Variants in AKIRIN1 observed in about 807,000 individuals in gnomAD.
AKIRIN1 encodes akirin-1.
In AKIRIN1, 4 loss-of-function variants were observed where a neutral mutation model predicts 25.9. The observed-to-expected ratio is 0.15, with a 90% confidence interval of 0.08 to 0.35. AKIRIN1 has a LOEUF of 0.35. Ranked by LOEUF, AKIRIN1 falls within the 10% of genes least tolerant of loss-of-function variation. The probability of loss-of-function intolerance (pLI) is 1.00; values close to 1 mark genes in which losing one functional copy is unlikely to be tolerated. For synonymous variants in AKIRIN1, 125 were observed against 105.1 expected (o/e 1.19, Z -1.16); for missense variants, 243 against 266.1 (o/e 0.91, Z 0.61).
rs1424799047 is a variant in AKIRIN1, at chr1:39,002,862, T to G, written c.497-485T>G. ...CTACCTTCTTCCTTTCTACTCAGTTTCCCCTTAAAAGGTGGTACTTCTGTG... is the reference window on the plus strand; with the variant it reads ...CTACCTTCTTCCTTTCTACTCAGTTGCCCCTTAAAAGGTGGTACTTCTGTG... On this transcript the variant is annotated intron_variant, in intron 3 of 4. Transcript: ENST00000432648. 7.2e-5 allele frequency among the ~76,000 whole-genome samples: 11 copies of G among 152,224 alleles called. 1 individual carries two copies. Among genetic ancestry groups the G allele is most frequent in the Admixed American group, 3.9e-4 (6 of 15,260 alleles).
At chr1:38,993,204 C>G (rs1643922248) in intron 1 of AKIRIN1, among the ~76,000 whole-genome samples, 1 of 152,172 alleles carries the variant, frequency 6.6e-6, no homozygotes. Context: ...TTCAATACTA[C>G]TATCCTCTAG....
intron 1 of AKIRIN1, among the ~76,000 whole-genome samples, chr1:38,994,395 G>A (rs904908609): frequency 3.3e-5 from 5 of 152,214 alleles, no homozygotes; most frequent in Admixed American, 2.6e-4. Context: ...CATGGAAGAA[G>A]GGGGTTGCTG....
chr1:39,002,779 C>A (rs1414924826), intron 3 of AKIRIN1, among the ~76,000 whole-genome samples: 2 of 152,026 alleles, frequency 1.3e-5, no homozygotes, highest in African/African-American at 2.4e-5. Flanking sequence ...CCCACTCCCA[C>A]CATAATACTG....
intron 4 of AKIRIN1, 108 bp downstream of exon 4, chr1:39,003,526 C>T (rs1644010566): frequency 1.0e-6 from 1 of 978,096 alleles, no homozygotes; most frequent in Admixed American, 2.1e-5. Context: ...AAAATGTGCC[C>T]AGCACTATGC....
rs912623352 is a variant in AKIRIN1, at chr1:39,004,562, G to C, written c.*507G>C. 1.3e-5 allele frequency: 3 copies of C among 222,678 alleles called. No homozygotes were observed. The highest frequency in any genetic ancestry group is 5.4e-5 in the Admixed American group (1 of 18,434). 13.8% of individuals were successfully genotyped at this position (222,678 alleles called of 1,614,324 possible). ...TTAATGTTTTGTGACCATACAAGTT[G>C]TAACAGTGGATTGTTTTTATGTGTA... On this transcript the variant is annotated 3_prime_UTR_variant, in exon 5 of 5. Transcript: ENST00000432648.
chr1:38,996,536 A>AT (rs34122150), intron 1 of AKIRIN1, among the ~76,000 whole-genome samples: 52,589 of 144,700 alleles, frequency 0.36, 9,683 homozygotes, highest in Non-Finnish European at 0.4. Context: ...TTGTTTTTCT[A>AT]TTTTTTTTTT....
chr1:39,000,161 G>A (rs1020259206), intron 2 of AKIRIN1, among the ~76,000 whole-genome samples: 2 of 151,910 alleles, frequency 1.3e-5, no homozygotes, highest in Non-Finnish European at 2.9e-5. Context: ...GGGATTACAG[G>A]CGAGAGCCAC....
At chr1:38,994,240 T>C (rs1643930390) in intron 1 of AKIRIN1, among the ~76,000 whole-genome samples, 1 of 152,190 alleles carries the variant, frequency 6.6e-6, no homozygotes, top group Non-Finnish European at 1.5e-5. Context: ...GTAAGTATAA[T>C]GCAACTATTC....
Position 39,001,054 on chromosome 1 carries a change from T to C in AKIRIN1, c.444T>C (p.Tyr148=), listed in dbSNP as rs138016362. 2.4e-3 allele frequency: 3,805 copies of C among 1,614,002 alleles called. 13 individuals are homozygous for C. Among genetic ancestry groups the C allele is most frequent in the Admixed American group, 5.9e-3 (353 of 59,992 alleles). ...TATGTGAGCGCCTCTTAAAAGACTA[T>C]GAAGATAAAATTCGGGAGGAGTATG... is the stretch of plus-strand genomic sequence containing the variant. ...GIICERLLKD[Y]EDKIREEYEQ... The change falls in exon 3 of 5, where the codon TAT becomes TAC. Residue 148 remains tyrosine, a synonymous_variant. Coordinates refer to ENST00000432648, the MANE Select transcript of AKIRIN1 (RefSeq NM_024595.3).
At chr1:38,996,234 A>G (rs1200020137) in intron 1 of AKIRIN1, among the ~76,000 whole-genome samples, 1 of 151,884 alleles carries the variant, frequency 6.6e-6, no homozygotes, top group African/African-American at 2.4e-5. Context: ...AGCTGGGATT[A>G]CAGGTGCGCA....
At chr1:39,002,814 C>A (rs573160386) in intron 3 of AKIRIN1, among the ~76,000 whole-genome samples, 8 of 152,266 alleles carry the variant, frequency 5.3e-5, no homozygotes, top group Admixed American at 6.5e-5. Context: ...TTCTGAGTCA[C>A]TTCTTTGTTC....
chr1:38,999,100 G>A (rs1453412973), intron 2 of AKIRIN1, among the ~76,000 whole-genome samples: 1 of 152,164 alleles, frequency 6.6e-6, no homozygotes, highest in African/African-American at 2.4e-5. Context: ...TGGTCATGTA[G>A]TGACTCAGTT....
At chr1:38,998,398 G>A in intron 2 of AKIRIN1, 87 bp downstream of exon 2, 1 of 1,373,850 alleles carries the variant, frequency 7.3e-7, no homozygotes, top group Non-Finnish European at 9.8e-7. Flanking sequence ...CTCCTCTAAT[G>A]TAATAGAATT....
At chr1:39,000,212 G>A (rs534959161) in intron 2 of AKIRIN1, among the ~76,000 whole-genome samples, 1 of 152,146 alleles carries the variant, frequency 6.6e-6, no homozygotes, top group South Asian at 2.1e-4. Flanking sequence ...TGATCAGAAA[G>A]CCACTTGTGG....
chr1:38,999,638 T>C (rs1385942514), intron 2 of AKIRIN1, among the ~76,000 whole-genome samples: 2 of 152,034 alleles, frequency 1.3e-5, no homozygotes, highest in Admixed American at 6.5e-5. Context: ...TAATGGGATA[T>C]GTTATGGTTA....
intron 4 of AKIRIN1, 130 bp downstream of exon 4, chr1:39,003,548 A>T: frequency 1.3e-6 from 1 of 785,474 alleles, no homozygotes; most frequent in Non-Finnish European, 2.0e-6. Context: ...AAGAGTATTA[A>T]ATCCACACCA....
Position 38,991,353 on chromosome 1 carries a change from C to G in AKIRIN1, c.-28C>G, listed in dbSNP as rs935315994. Reference sequence around the variant, plus strand: ...CTTGGGCCGCACTTACCGCCGCGTCCGCTCCCGGTCCCTGGCCCCTCAGCG... The same window carrying G: ...CTTGGGCCGCACTTACCGCCGCGTCGGCTCCCGGTCCCTGGCCCCTCAGCG... On this transcript the variant is annotated 5_prime_UTR_variant, in exon 1 of 5. Coordinates refer to ENST00000432648, the MANE Select transcript of AKIRIN1 (RefSeq NM_024595.3). 5 of 1,335,606 alleles carry G rather than the reference C, an allele frequency of 3.7e-6. No homozygotes were observed. The highest frequency in any genetic ancestry group is 4.8e-6 in the Non-Finnish European group (5 of 1,045,406). The allele number at this position is 1,335,606 out of a possible 1,614,324, so 82.7% of individuals were successfully genotyped here.
intron 1 of AKIRIN1, 122 bp downstream of exon 1, chr1:38,991,722 A>T: frequency 9.1e-7 from 1 of 1,103,100 alleles, no homozygotes. Context: ...TGCCTTGAGA[A>T]AAGGGAACTG....
At chr1:39,003,487 C>T in intron 4 of AKIRIN1, 69 bp downstream of exon 4, 20 of 1,443,866 alleles carry the variant, frequency 1.4e-5, no homozygotes, top group East Asian at 2.3e-5. Context: ...TGAAACTTCT[C>T]TCCTCAGAGT....
Sources: allele counts gnomAD v4.1 joint callset (sites outside exome capture counted in the v4.1 genomes callset), GRCh38; gene constraint gnomAD v4.1.1; transcripts MANE v1.5; gene names NCBI Gene and HGNC (gene_info 2026-07-23, HGNC 2026-07-21).